PDE1C: variants seen among roughly 807,000 people sequenced by gnomAD.
The protein encoded by PDE1C is dual specificity calcium/calmodulin-dependent 3',5'-cyclic nucleotide phosphodiesterase 1C.
A neutral mutation model predicts 93.1 loss-of-function variants in PDE1C; 62 were observed. The ratio of observed to expected loss-of-function variants is 0.67; its 90% CI spans 0.54 to 0.82. The LOEUF is 0.82. Among genes scored for constraint, PDE1C ranks in the 40% least tolerant of loss-of-function variants. PDE1C has a pLI of 0.00. For synonymous variants in PDE1C, 325 were observed against 310.1 expected (o/e 1.05, Z -0.50); for missense variants, 742 against 884.6 (o/e 0.84, Z 2.04).
the PDE1C span, among the ~76,000 whole-genome samples, chr7:31,679,445 A>T: frequency 6.6e-6 from 1 of 152,352 alleles, no homozygotes; most frequent in East Asian, 1.9e-4. Context: ...AGTTGAAACA[A>T]AAGAGGCAAA....
rs1207972839 is a variant in PDE1C at position 32,420,124 on chromosome 7, T to TATATACAC, written c.310+7697_310+7698insGTGTATAT. Among the ~76,000 whole-genome samples the TATATACAC allele has an allele frequency of 1.5e-3, 20 of 13,084 alleles. 1 individual carries two copies. Among genetic ancestry groups the TATATACAC allele is most frequent in the African/African-American group, 3.9e-3 (16 of 4,096 alleles). 8.6% of individuals were successfully genotyped at this position (13,084 alleles called of 152,430 possible). On this transcript the variant is annotated intron_variant, in intron 1 of 1. Coordinates refer to the PDE1C transcript ENST00000672256. ...ATATATATATATATATATATATATATACACACACACACACACACACACACA... is the reference window on the plus strand; with the variant it reads ...ATATATATATATATATATATATATATATATACACACACACACACACACACACACACACA...
chr7:31,637,727 G>A, the PDE1C span, among the ~76,000 whole-genome samples: 1 of 152,168 alleles, frequency 6.6e-6, no homozygotes, highest in South Asian at 2.1e-4. Flanking sequence ...CTGTGCAGAA[G>A]CTCTTTAGTT....
intron 2 of PDE1C, among the ~76,000 whole-genome samples, chr7:31,978,731 C>G (rs1028436540): frequency 6.6e-6 from 1 of 152,144 alleles, no homozygotes; most frequent in Non-Finnish European, 1.5e-5. Context: ...TCTTGGAACT[C>G]CACTTTTCAA....
intron 1 of PDE1C, among the ~76,000 whole-genome samples, chr7:32,332,165 G>C (rs946273048): frequency 6.6e-6 from 1 of 152,014 alleles, no homozygotes; most frequent in Non-Finnish European, 1.5e-5. Context: ...CACACACACA[G>C]AGACATCTAT....
At chr7:32,124,754 C>A (rs1563333088) in intron 3 of PDE1C, among the ~76,000 whole-genome samples, 1 of 152,136 alleles carries the variant, frequency 6.6e-6, no homozygotes, top group Non-Finnish European at 1.5e-5. Flanking sequence ...AAGTGTAAAG[C>A]CCTAAACCAT....
At chr7:32,143,064 C>T (rs1235718094) in intron 3 of PDE1C, among the ~76,000 whole-genome samples, 1 of 151,642 alleles carries the variant, frequency 6.6e-6, no homozygotes, top group Non-Finnish European at 1.5e-5. Context: ...GAGAGATTGC[C>T]GTAAGAGAAC....
intron 3 of PDE1C, among the ~76,000 whole-genome samples, chr7:32,087,042 G>T (rs1028510584): frequency 6.6e-6 from 1 of 151,972 alleles, no homozygotes; most frequent in African/African-American, 2.4e-5. Flanking sequence ...CACAGCAAAA[G>T]AAACTACCAT....
chr7:32,421,399 T>A (rs1390550925), intron 1 of PDE1C, among the ~76,000 whole-genome samples: 1 of 152,374 alleles, frequency 6.6e-6, no homozygotes, highest in South Asian at 2.1e-4. Context: ...CAGATTCACC[T>A]ACACGGATGA....
chr7:32,393,048 CAAAAAAAAAA>C (rs35905868), intron 1 of PDE1C, among the ~76,000 whole-genome samples: 3 of 48,498 alleles, frequency 6.2e-5, no homozygotes, highest in South Asian at 2.2e-3. Context: ...GACTCTGTCT[CAAAAAAAAAA>C]AAAAAAAAAA....
chr7:32,115,522 G>T (rs1798941461), intron 3 of PDE1C, among the ~76,000 whole-genome samples: 1 of 151,980 alleles, frequency 6.6e-6, no homozygotes, highest in Admixed American at 6.6e-5. Context: ...ATGCATGCGG[G>T]CCTTAAAACC....
intron 1 of PDE1C, among the ~76,000 whole-genome samples, chr7:32,341,051 C>A (rs1342672605): frequency 6.6e-6 from 1 of 151,982 alleles, no homozygotes; most frequent in Non-Finnish European, 1.5e-5. Context: ...TCACATGTAC[C>A]ACTCCAGTGG....
At chr7:32,369,098 A>G (rs1021214772) in intron 1 of PDE1C, among the ~76,000 whole-genome samples, 1 of 152,176 alleles carries the variant, frequency 6.6e-6, no homozygotes, top group African/African-American at 2.4e-5. Context: ...GATTTTATGA[A>G]TAAGACCTGA....
chr7:31,766,511 A>G (rs1795157930), intron 17 of PDE1C, among the ~76,000 whole-genome samples: 1 of 152,202 alleles, frequency 6.6e-6, no homozygotes, highest in Admixed American at 6.5e-5. Context: ...TTGCTTAAAC[A>G]TTTTTTGAAA....
At chr7:31,982,306 G>T (rs774582562) in intron 2 of PDE1C, among the ~76,000 whole-genome samples, 1 of 152,088 alleles carries the variant, frequency 6.6e-6, no homozygotes, top group Non-Finnish European at 1.5e-5. Context: ...GTGTGAACTC[G>T]AAAGAATGAA....
chr7:31,780,759 G>GTGTGTA (rs1419215925), intron 16 of PDE1C, among the ~76,000 whole-genome samples: 1 of 151,716 alleles, frequency 6.6e-6, no homozygotes, highest in Non-Finnish European at 1.5e-5. Context: ...TTAGAAAGGT[G>GTGTGTA]TGTGTATGTG....
intron 1 of PDE1C, among the ~76,000 whole-genome samples, chr7:32,359,788 T>C (rs1350883783): frequency 6.6e-6 from 1 of 152,162 alleles, no homozygotes; most frequent in African/African-American, 2.4e-5. Context: ...AACTGTTCCA[T>C]TCTCATGGAA....
chr7:32,317,606 A>T (rs1196180036), intron 1 of PDE1C, among the ~76,000 whole-genome samples: 1 of 151,340 alleles, frequency 6.6e-6, no homozygotes, highest in Non-Finnish European at 1.5e-5. Flanking sequence ...TTACATTATT[A>T]GTGTCATTTT....
chr7:32,278,032 C>T (rs1811393387), intron 1 of PDE1C, among the ~76,000 whole-genome samples: 1 of 143,742 alleles, frequency 7.0e-6, no homozygotes, highest in South Asian at 2.2e-4. Flanking sequence ...CAGTGCATAC[C>T]AATATGCCAC....
intron 2 of PDE1C, among the ~76,000 whole-genome samples, chr7:31,942,600 TG>T (rs1806004970): frequency 6.6e-6 from 1 of 152,150 alleles, no homozygotes; most frequent in Non-Finnish European, 1.5e-5. Context: ...ATGAAAAACA[TG>T]AGAAAAATCT....
Sources: allele counts gnomAD v4.1 joint callset (sites outside exome capture counted in the v4.1 genomes callset), GRCh38; gene constraint gnomAD v4.1.1; transcripts MANE v1.5; gene names NCBI Gene and HGNC (gene_info 2026-07-23, HGNC 2026-07-21).